SEMA3G: variants seen among roughly 807,000 people sequenced by gnomAD.
SEMA3G encodes the protein semaphorin-3G.
SEMA3G carries 70 observed loss-of-function variants against 86.2 expected under a neutral mutation model. That is an observed-to-expected ratio of 0.81 (90% CI 0.67 to 0.99). The LOEUF is 0.99. Among genes scored for constraint, SEMA3G ranks in the 50% least tolerant of loss-of-function variants. The probability of loss-of-function intolerance (pLI) is 0.00; values close to 1 mark genes in which losing one functional copy is unlikely to be tolerated. For missense variants in SEMA3G, 1,002 were observed against 1,072.4 expected (o/e 0.93, Z 0.92); for synonymous variants, 416 against 441.4 (o/e 0.94, Z 0.72).
At chr3:52,444,490 C>A (rs537074487) in intron 1 of SEMA3G, among the ~76,000 whole-genome samples, 1 of 150,380 alleles carries the variant, frequency 6.6e-6, no homozygotes, top group South Asian at 2.1e-4. Flanking sequence ...ACAGGGCACA[C>A]GCACACAAAC....
In SEMA3G at chr3:52,433,110, C is replaced by T. The variant is rs998972472; in HGVS notation, c.*2493G>A. ...CGGCTTTGTACAAAGCCCTCTAACT[C>T]CTTCCTTCCCCTGATACCCATCTTC... On this transcript the variant is annotated 3_prime_UTR_variant, in exon 16 of 16. Coordinates refer to ENST00000231721, the MANE Select transcript of SEMA3G (RefSeq NM_020163.3). 6.6e-6 allele frequency: 1 copy of T among 152,106 alleles called. No individual in the cohort carries two copies. The highest frequency in any genetic ancestry group is 1.5e-5 in the Non-Finnish European group (1 of 68,046). The allele number at this position is 152,106 out of a possible 1,614,324, so 9.4% of individuals were successfully genotyped here.
chr3:52,440,545 A>G (rs1285191680), intron 9 of SEMA3G, 24 bp from the exon 10 acceptor site: 1 of 1,596,252 alleles, frequency 6.3e-7, no homozygotes, highest in Non-Finnish European at 8.5e-7. Context: ...TGGGACAGTC[A>G]GGCCAGAGTG....
At position 52,441,378 on chromosome 3, in the gene SEMA3G, AGGGATCCG is replaced by A. The variant is rs1046828470; in HGVS notation, c.691_698del (p.Arg231Ter). The A allele has an allele frequency of 6.2e-7, 1 of 1,613,684 alleles. No homozygotes were observed. The highest frequency in any genetic ancestry group is 8.5e-7 in the Non-Finnish European group (1 of 1,179,918). ...TGTCATTGTCCTGGTCAGAGTTCTC[AGGGATCCG>A]GGCGGCCATCACAAACCGGGGGTCT... On this transcript the variant is annotated frameshift_variant, in exon 7 of 16. Coordinates refer to ENST00000231721, the MANE Select transcript of SEMA3G (RefSeq NM_020163.3). LOFTEE classifies it high-confidence loss of function.
Position 52,440,086 on chromosome 3 carries a change from T to C in SEMA3G, c.1156A>G (p.Met386Val), listed in dbSNP as rs763631067. Residue 386 changes from methionine to valine, a missense_variant, in exon 11 of 16, where the codon ATG becomes GTG. Transcript: ENST00000231721. ...AAAGGCCGTCCTGGCTGTGCGGTCA[T>C]CTTGCTGGGGCACTGTGGGCAGCAG... is the stretch of plus-strand genomic sequence containing the variant. ...FPRPGVCPSK[M>V]TAQPGRPFGS... 1 of 1,583,218 alleles carries C rather than the reference T, an allele frequency of 6.3e-7. No individual in the cohort carries two copies. The highest frequency in any genetic ancestry group is 8.6e-7 in the Non-Finnish European group (1 of 1,159,920).
At chr3:52,438,700 C>G (rs1050213854) in intron 13 of SEMA3G, 1 of 985,390 alleles carries the variant, frequency 1.0e-6, no homozygotes, top group Admixed American at 6.1e-5. Flanking sequence ...CCCTTAGGAA[C>G]TGGCCTTTGT....
In SEMA3G at chr3:52,441,307, C is replaced by G; in HGVS notation, c.770G>C (p.Gly257Ala). 6.2e-7 allele frequency: 1 copy of G among 1,613,686 alleles called. No homozygotes were observed. Among genetic ancestry groups the G allele is most frequent in the Non-Finnish European group, 8.5e-7 (1 of 1,180,026 alleles). ...GCGGCTGACAGTGACATGGTTCGAG[C>G]CACCATCGGGCGAGGGGACCGTCTC... ...FSETVPSPDG[G>A]SNHVTVSRVG... The change falls in exon 7 of 16, where the codon GGC becomes GCC. Residue 257 changes from glycine to alanine, a missense_variant. Transcript: ENST00000231721.
intron 12 of SEMA3G, 151 bp downstream of exon 12, chr3:52,439,529 C>G (rs1706106177): frequency 1.5e-6 from 1 of 653,400 alleles, no homozygotes; most frequent in Non-Finnish European, 2.7e-6. Context: ...GGGGGGGCAT[C>G]TCTTTCTGCA....
In SEMA3G at chr3:52,444,993, A is replaced by G; in HGVS notation, c.35T>C (p.Leu12Pro). Residue 12 changes from leucine (L) to proline (P), a missense_variant, in exon 1 of 16, where the codon CTA becomes CCA. Coordinates refer to ENST00000231721, the MANE Select transcript of SEMA3G (RefSeq NM_020163.3). ...APSAWAICWL[L>P]GGLLLHGGSS... The stretch of plus-strand genomic sequence containing the variant: ...ACCCCCATGGAGCAGGAGGCCCCCT[A>G]GCAGCCAGCAAATGGCCCAGGCCGA... The G allele has an allele frequency of 7.7e-7, 1 of 1,290,498 alleles. No homozygotes were observed. Among genetic ancestry groups the G allele is most frequent in the Non-Finnish European group, 9.9e-7 (1 of 1,013,088 alleles). The allele number at this position is 1,290,498 out of a possible 1,614,324, so 79.9% of individuals were successfully genotyped here. A position where few individuals can be genotyped will look rare whatever the true frequency, so the allele number is the denominator to read the frequency against.
chr3:52,442,400 G>T lies in SEMA3G; in HGVS notation c.340-96C>A. ...CAGCCCTGTCTGGCGGTCAGCTCTG[G>T]GGAGGGGGGTGGGTGTGACATTCCC... On this transcript the variant is annotated intron_variant, in intron 3 of 15. Transcript: ENST00000231721. The surrounding 1 kb of genome is among the most constrained non-coding windows in gnomAD (Gnocchi z 6.1). 1.7e-6 allele frequency: 1 copy of T among 580,720 alleles called. No individual in the cohort carries two copies. Among genetic ancestry groups the T allele is most frequent in the South Asian group, 1.5e-5 (1 of 66,974 alleles). 36.0% of individuals were successfully genotyped at this position (580,720 alleles called of 1,614,324 possible). A position where few individuals can be genotyped will look rare whatever the true frequency, so the allele number is the denominator to read the frequency against.
At chr3:52,443,500 C>T (rs1011783998) in intron 1 of SEMA3G, among the ~76,000 whole-genome samples, 3 of 152,128 alleles carry the variant, frequency 2.0e-5, no homozygotes, top group African/African-American at 7.2e-5. Context: ...CTGGGGACAT[C>T]GGTCCCAGGA....
chr3:52,444,457 ACAAACAGGGCACACGCACC>A (rs1186560203), intron 1 of SEMA3G, among the ~76,000 whole-genome samples: 5 of 151,350 alleles, frequency 3.3e-5, no homozygotes, highest in South Asian at 2.1e-4. Context: ...GCACACGCAC[ACAAACAGGGCACACGCACC>A]CAAACAGGGC....
intron 10 of SEMA3G, 110 bp from the exon 11 acceptor site, chr3:52,440,208 C>T (rs956219692): frequency 7.5e-6 from 9 of 1,207,298 alleles, no homozygotes; most frequent in African/African-American, 6.1e-5. Context: ...TGCAGGAGGG[C>T]TCTCCTCTTC....
chr3:52,441,288 G>C lies in SEMA3G; in HGVS notation c.789C>G (p.Val263=), dbSNP rs757281972. ...SPDGGSNHVT[V]SRVGRVCVND... is the part of the protein sequence containing the mutation. Reference sequence around the variant, plus strand: ...CCACGCAGACGCGGCCCACGCGGCTGACAGTGACATGGTTCGAGCCACCAT... The same window carrying C: ...CCACGCAGACGCGGCCCACGCGGCTCACAGTGACATGGTTCGAGCCACCAT... Residue 263 remains valine, a synonymous_variant, in exon 7 of 16, where the codon GTC becomes GTG. Transcript: ENST00000231721. The C allele has an allele frequency of 4.3e-6, 7 of 1,613,566 alleles. No homozygotes were observed. The Admixed American group carries it at 1.2e-4, about 27-fold the overall frequency.
chr3:52,441,246 C>A lies in SEMA3G; in HGVS notation c.813+18G>T, dbSNP rs539548948. The A allele has an allele frequency of 1.5e-5, 24 of 1,610,126 alleles. No homozygotes were observed. In the South Asian group the frequency reaches 2.5e-4, roughly 17 times the overall value. ...TGTAGCAGGGACTTGAACCTCACCA[C>A]CCCTTCCCAGCTCTTACCACGCAGA... On this transcript the variant is annotated intron_variant, in intron 7 of 15. Transcript: ENST00000231721.
At chr3:52,439,362 T>C (rs1254408976) in intron 12 of SEMA3G, among the ~76,000 whole-genome samples, 2 of 152,046 alleles carry the variant, frequency 1.3e-5, no homozygotes, top group Non-Finnish European at 2.9e-5. Flanking sequence ...CATCTCCTCC[T>C]TGCAACTTGA....
intron 1 of SEMA3G, chr3:52,443,147 A>C: frequency 2.1e-6 from 2 of 963,990 alleles, no homozygotes; most frequent in Non-Finnish European, 3.1e-6. Context: ...CCACCCCTCC[A>C]TTCCTTAGCC....
Position 52,441,247 on chromosome 3 carries a change from C to T in SEMA3G, c.813+17G>A. ...GTAGCAGGGACTTGAACCTCACCAC[C>T]CCTTCCCAGCTCTTACCACGCAGAC... On this transcript the variant is annotated intron_variant, in intron 7 of 15. Transcript: ENST00000231721. 1 of 1,610,364 alleles carries T rather than the reference C, an allele frequency of 6.2e-7. No individual in the cohort carries two copies. Among genetic ancestry groups the T allele is most frequent in the Non-Finnish European group, 8.5e-7 (1 of 1,178,346 alleles).
At chr3:52,439,566 C>A in intron 12 of SEMA3G, 114 bp downstream of exon 12, 1 of 823,840 alleles carries the variant, frequency 1.2e-6, no homozygotes, top group South Asian at 1.5e-5. Flanking sequence ...CTGCCAGCTG[C>A]AAATTCAGTA....
rs2153229692 is a variant in SEMA3G at position 52,441,610 on chromosome 3, C to G, written c.631G>C (p.Ala211Pro). 2 of 1,613,656 alleles carry G rather than the reference C, an allele frequency of 1.2e-6. No individual in the cohort carries two copies. Among genetic ancestry groups the G allele is most frequent in the Non-Finnish European group, 8.5e-7 (1 of 1,179,984 alleles). The change falls in exon 6 of 16, where the codon GCT (alanine) becomes CCT (proline). Residue 211 changes from alanine (A) to proline (P), a missense_variant. Ala to Pro is a conservative substitution (Grantham distance 27, BLOSUM62 -1). Coordinates refer to ENST00000231721, the MANE Select transcript of SEMA3G (RefSeq NM_020163.3). ...MIFRSGGPRP[A>P]LRSDSDQSLL... ...CTCTGGTCAGAGTCGGAACGCAGAG[C>G]TGGCCGAGGACCTCCACTTCGGAAG... is the stretch of plus-strand genomic sequence containing the variant.
Sources: gnomAD v4.1 joint callset for allele counts (sites outside exome capture counted in the v4.1 genomes callset) on GRCh38, gnomAD v4.1.1 for gene constraint, Gnocchi (gnomAD v3.1) non-coding constraint, MANE v1.5 for transcripts, NCBI Gene and HGNC (gene_info 2026-07-23, HGNC 2026-07-21) for gene names.